The following RBM6 variants were observed in gnomAD, a reference collection of about 807,000 sequenced individuals.
The protein encoded by RBM6 is RNA binding motif protein 6, also known as RNA-binding protein 6.
In RBM6, 23 loss-of-function variants were observed where a neutral mutation model predicts 140.4. The observed-to-expected ratio is 0.16, with a 90% CI of 0.12 to 0.23. RBM6 has a LOEUF of 0.23. Among genes scored for constraint, RBM6 ranks in the 10% least tolerant of loss-of-function variants. The pLI is 1.00. For missense variants in RBM6, 1,139 were observed against 1,386.7 expected (o/e 0.82, Z 2.84); for synonymous variants, 439 against 475.6 (o/e 0.92, Z 1.00).
chr3:49,986,789 C>T (rs1485988427), intron 5 of RBM6, among the ~76,000 whole-genome samples: 1 of 137,310 alleles, frequency 7.3e-6, no homozygotes, highest in Non-Finnish European at 1.6e-5. Context: ...CTTTTCTTCT[C>T]TTCTCTTTTC....
intron 17 of RBM6, among the ~76,000 whole-genome samples, chr3:50,068,446 A>T (rs2090186583): frequency 6.6e-6 from 1 of 152,192 alleles, no homozygotes; most frequent in Non-Finnish European, 1.5e-5. Flanking sequence ...AGATAAAGAG[A>T]TAGATATTTG....
intron 5 of RBM6, among the ~76,000 whole-genome samples, chr3:49,985,848 C>T (rs901031055): frequency 2.0e-5 from 3 of 151,886 alleles, no homozygotes; most frequent in African/African-American, 7.3e-5. Context: ...CCTTGTGATC[C>T]GCCCACCTCG....
At chr3:50,047,078 A>G in intron 6 of RBM6, 3 of 743,454 alleles carry the variant, frequency 4.0e-6, no homozygotes, top group Non-Finnish European at 4.9e-6. Context: ...AGACCTAGGT[A>G]GATGGGCAAT....
chr3:50,052,266 T>C (rs1469644370), intron 7 of RBM6, among the ~76,000 whole-genome samples: 2 of 152,334 alleles, frequency 1.3e-5, no homozygotes, highest in East Asian at 3.9e-4. Flanking sequence ...GGTTTCTCCA[T>C]GTTGGCTAGG....
At chr3:49,990,118 T>C (rs1171232174) in intron 5 of RBM6, among the ~76,000 whole-genome samples, 1 of 152,194 alleles carries the variant, frequency 6.6e-6, no homozygotes, top group African/African-American at 2.4e-5. Flanking sequence ...CCTTCATTTG[T>C]ATTATTATTA....
chr3:50,075,351 TG>T (rs756914024), intron 20 of RBM6, 21 bp downstream of exon 20: 3 of 1,603,574 alleles, frequency 1.9e-6, no homozygotes, highest in Middle Eastern at 1.7e-4. Flanking sequence ...TTCCATCTTT[TG>T]GGGGGTGACA....
In RBM6 at chr3:50,061,560, CTTTTTT is replaced by C. The variant is rs10663019; in HGVS notation, c.2439+32_2439+37del. The C allele has an allele frequency of 1.3e-3, 1,658 of 1,265,540 alleles. No individual in the cohort carries two copies. The highest frequency in any genetic ancestry group is 3.8e-3 in the Admixed American group (81 of 21,154). The allele number at this position is 1,265,540 out of a possible 1,614,324, so 78.4% of individuals were successfully genotyped here. A position where few individuals can be genotyped will look rare whatever the true frequency, so the allele number is the denominator to read the frequency against. On this transcript the variant is annotated intron_variant, in intron 14 of 20. Coordinates refer to ENST00000266022, the MANE Select transcript of RBM6 (RefSeq NM_005777.3). Reference sequence around the variant, plus strand: ...CCCCAATACCCAGGTGAGTTTGGGGCTTTTTTTTTTTTTTTTTTTTTTTTACCTCTG... The same window carrying C: ...CCCCAATACCCAGGTGAGTTTGGGGCTTTTTTTTTTTTTTTTTTACCTCTG...
At chr3:49,999,631 C>A (rs2086234544) in intron 6 of RBM6, 118 bp downstream of exon 6, 4 of 878,424 alleles carry the variant, frequency 4.6e-6, no homozygotes, top group Non-Finnish European at 7.6e-6. Flanking sequence ...GTGGAGCATA[C>A]TGTATTCCAA....
chr3:50,018,581 GTTTTTT>G (rs58115280), intron 6 of RBM6, among the ~76,000 whole-genome samples: 1 of 63,508 alleles, frequency 1.6e-5, no homozygotes, highest in African/African-American at 6.7e-5. Context: ...GTAGGAGTGT[GTTTTTT>G]TTTTTTTTTT....
chr3:49,973,003 G>C (rs1007513801), intron 4 of RBM6, among the ~76,000 whole-genome samples: 2 of 152,052 alleles, frequency 1.3e-5, no homozygotes, highest in Admixed American at 6.6e-5. Flanking sequence ...GCTAATTTTT[G>C]TACTTTTAGT....
intron 15 of RBM6, 24 bp from the exon 16 acceptor site, chr3:50,065,007 G>C: frequency 6.3e-7 from 1 of 1,579,314 alleles, no homozygotes; most frequent in Non-Finnish European, 8.7e-7. Context: ...AATATCATGT[G>C]AGAGTTACCT....
At chr3:49,947,491 C>G (rs901093557) in intron 1 of RBM6, among the ~76,000 whole-genome samples, 8 of 152,006 alleles carry the variant, frequency 5.3e-5, no homozygotes, top group African/African-American at 1.9e-4. Context: ...TTTATACACT[C>G]TAGATATTAA....
intron 11 of RBM6, 180 bp from the exon 12 acceptor site, chr3:50,060,776 A>AAG (rs2089907374): frequency 4.9e-6 from 2 of 407,632 alleles, no homozygotes; most frequent in Non-Finnish European, 8.5e-6. Context: ...AAAAAAAAAA[A>AAG]GAGTCTTACT....
intron 6 of RBM6, among the ~76,000 whole-genome samples, chr3:50,017,587 A>G (rs1244018895): frequency 6.6e-6 from 1 of 151,816 alleles, no homozygotes; most frequent in East Asian, 1.9e-4. Flanking sequence ...AGAAAAAAAA[A>G]TGTCTATTCA....
intron 7 of RBM6, among the ~76,000 whole-genome samples, chr3:50,049,191 C>T (rs1180985592): frequency 6.6e-6 from 1 of 152,088 alleles, no homozygotes; most frequent in African/African-American, 2.4e-5. Context: ...TCACTACAAC[C>T]TCTGCCACCC....
chr3:50,067,787 A>T (rs1040551728), intron 17 of RBM6, among the ~76,000 whole-genome samples: 3 of 152,244 alleles, frequency 2.0e-5, no homozygotes, highest in African/African-American at 7.2e-5. Flanking sequence ...TTGCAAGAGC[A>T]GGTGATGGAA....
rs751922359 is a variant in RBM6, at chr3:49,968,549, G to A, written c.1124G>A (p.Arg375His). Residue 375 changes from arginine (R) to histidine (H), a missense_variant, in exon 3 of 21, where the codon CGT becomes CAT. By Grantham distance (29) the Arg-to-His change is conservative (BLOSUM62 0). Around this residue, in one of 9 missense-constraint regions of RBM6, gnomAD observed 566 missense variants for 612.7 expected, o/e 0.92. Coordinates refer to ENST00000266022, the MANE Select transcript of RBM6 (RefSeq NM_005777.3). ...CAAGATAAGTCACAGCTTTCTGGAC[G>A]TGAAGAGCAGAGTTCAGATGCTGGT... ...QDQDKSQLSG[R>H]EEQSSDAGLF... is the part of the protein sequence containing the mutation. 5.6e-6 allele frequency: 9 copies of A among 1,614,052 alleles called. No homozygotes were observed. Among genetic ancestry groups the A allele is most frequent in the African/African-American group, 5.3e-5 (4 of 74,932 alleles).
intron 7 of RBM6, among the ~76,000 whole-genome samples, chr3:50,051,642 A>G (rs1367208982): frequency 6.6e-6 from 1 of 152,248 alleles, no homozygotes; most frequent in East Asian, 1.9e-4. Flanking sequence ...ACTCCATCTC[A>G]AAAACAAAAA....
intron 3 of RBM6, 35 bp downstream of exon 3, chr3:49,968,783 T>TTA: frequency 7.1e-7 from 1 of 1,417,846 alleles, no homozygotes; most frequent in Non-Finnish European, 9.4e-7. Context: ...TTTTTTTTTT[T>TTA]TTTTTTTTTT....
Sources: gnomAD v4.1 joint callset for allele counts (sites outside exome capture counted in the v4.1 genomes callset) on GRCh38, gnomAD v4.1.1 for gene constraint, gnomAD v4.1.1 regional missense constraint, MANE v1.5 for transcripts, NCBI Gene and HGNC (gene_info 2026-07-23, HGNC 2026-07-21) for gene names.